Variants in SORCS3 observed in about 807,000 individuals in gnomAD.
SORCS3 encodes sortilin related VPS10 domain containing receptor 3, also known as VPS10 domain-containing receptor SorCS3.
Under a neutral mutation model 146.3 loss-of-function variants are expected in SORCS3, and 57 were observed. The observed-to-expected ratio is 0.39, with a 90% CI of 0.31 to 0.49. SORCS3 has a LOEUF of 0.49. Among genes scored for constraint, SORCS3 ranks in the 20% least tolerant of loss-of-function variants. The probability of loss-of-function intolerance (pLI) is 0.92; values close to 1 mark genes in which losing one functional copy is unlikely to be tolerated. For missense variants in SORCS3, 1,341 were observed against 1,575.5 expected (o/e 0.85, Z 2.52); for synonymous variants, 653 against 618.5 (o/e 1.06, Z -0.83).
chr10:105,001,831 T>C (rs1378083079), intron 4 of SORCS3, among the ~76,000 whole-genome samples: 1 of 152,162 alleles, frequency 6.6e-6, no homozygotes, highest in African/African-American at 2.4e-5. Flanking sequence ...TTCAATCCTT[T>C]GGAAAAGGAC....
chr10:104,969,338 T>TGTGC (rs1554863664), intron 3 of SORCS3, among the ~76,000 whole-genome samples: 25 of 143,442 alleles, frequency 1.7e-4, no homozygotes, highest in African/African-American at 6.3e-4. Flanking sequence ...TGTGTGTGTG[T>TGTGC]GTGCGCGCGC....
intron 1 of SORCS3, among the ~76,000 whole-genome samples, chr10:104,747,247 C>G (rs993515137): frequency 6.6e-6 from 1 of 152,232 alleles, no homozygotes; most frequent in African/African-American, 2.4e-5. Flanking sequence ...GATGAACCAG[C>G]TGCTCAAAGT....
intron 2 of SORCS3, among the ~76,000 whole-genome samples, chr10:104,908,390 A>G (rs10509779): frequency 0.13 from 19,850 of 152,256 alleles, 1,468 homozygotes; most frequent in Middle Eastern, 0.18. Context: ...CCTTGAGGAC[A>G]ATACAATCAG....
chr10:104,866,827 G>A (rs866851300), intron 2 of SORCS3, among the ~76,000 whole-genome samples: 11 of 151,942 alleles, frequency 7.2e-5, no homozygotes, highest in African/African-American at 2.4e-4. Context: ...ATCTCTTTTG[G>A]GGTATGTCAA....
chr10:104,700,908 C>T (rs1305014959), intron 1 of SORCS3, among the ~76,000 whole-genome samples: 2 of 152,178 alleles, frequency 1.3e-5, no homozygotes, highest in African/African-American at 4.8e-5. Context: ...AAGTGACTTA[C>T]CTCTTTGAAT....
chr10:104,895,150 G>A (rs1227131078), intron 2 of SORCS3, among the ~76,000 whole-genome samples: 2 of 152,178 alleles, frequency 1.3e-5, no homozygotes, highest in East Asian at 3.9e-4. Context: ...GGTGAGGCTG[G>A]AGCTGAGGCT....
intron 20 of SORCS3, among the ~76,000 whole-genome samples, chr10:105,228,891 T>C: frequency 6.6e-6 from 1 of 152,248 alleles, no homozygotes; most frequent in African/African-American, 2.4e-5. Flanking sequence ...TATCTAAATC[T>C]CTTGCTAGAC....
chr10:105,128,957 A>C (rs559178446), intron 7 of SORCS3, among the ~76,000 whole-genome samples: 1 of 152,188 alleles, frequency 6.6e-6, no homozygotes, highest in Non-Finnish European at 1.5e-5. Flanking sequence ...CCCAAACTGC[A>C]AGAGATGGGT....
chr10:105,201,840 A>G (rs1287053312), intron 16 of SORCS3, among the ~76,000 whole-genome samples: 1 of 152,114 alleles, frequency 6.6e-6, no homozygotes, highest in South Asian at 2.1e-4. Context: ...TTGATTCACT[A>G]TCAGGGTTAT....
intron 3 of SORCS3, among the ~76,000 whole-genome samples, chr10:104,920,730 G>C (rs2019078603): frequency 6.6e-6 from 1 of 152,056 alleles, no homozygotes; most frequent in Non-Finnish European, 1.5e-5. Context: ...CTGTGAGCAG[G>C]GTATAATCAT....
At chr10:104,658,025 T>G (rs1478640385) in intron 1 of SORCS3, among the ~76,000 whole-genome samples, 1 of 152,246 alleles carries the variant, frequency 6.6e-6, no homozygotes, top group Non-Finnish European at 1.5e-5. Context: ...TAATATCTAC[T>G]ATGCCTACAG....
intron 1 of SORCS3, among the ~76,000 whole-genome samples, chr10:104,662,998 C>A (rs2133249909): frequency 6.6e-6 from 1 of 152,308 alleles, no homozygotes; most frequent in South Asian, 2.1e-4. Context: ...TGAGTTTTTG[C>A]CTGGAGTCAG....
intron 18 of SORCS3, among the ~76,000 whole-genome samples, chr10:105,216,334 G>T (rs1159670960): frequency 1.3e-5 from 2 of 152,032 alleles, no homozygotes; most frequent in Non-Finnish European, 2.9e-5. Flanking sequence ...GCATAATTCT[G>T]GTAACATAGC....
intron 12 of SORCS3, among the ~76,000 whole-genome samples, chr10:105,166,373 G>A (rs1397249764): frequency 6.6e-6 from 1 of 152,066 alleles, no homozygotes; most frequent in Admixed American, 6.6e-5. Context: ...AATTCTCCAA[G>A]CATACTTTCC....
chr10:105,247,482 G>A (rs945463234), intron 22 of SORCS3, 151 bp downstream of exon 22: 10 of 510,630 alleles, frequency 2.0e-5, no homozygotes, highest in African/African-American at 7.9e-5. Flanking sequence ...GGGTGCAGTC[G>A]CTCACACCTG....
intron 1 of SORCS3, among the ~76,000 whole-genome samples, chr10:104,721,348 G>T (rs956593661): frequency 7.2e-5 from 11 of 152,090 alleles, no homozygotes; most frequent in African/African-American, 1.4e-4. Context: ...TTCTGTTTTG[G>T]TACCAGTACC....
Position 105,209,331 on chromosome 10 carries a change from C to T in SORCS3, c.2262-1806C>T, listed in dbSNP as rs184375838. Among the ~76,000 whole-genome samples the T allele has an allele frequency of 1.6e-4, 25 of 151,972 alleles. No homozygotes were observed. In the Middle Eastern group the frequency reaches 0.02, roughly 124 times the overall value. On this transcript the variant is annotated intron_variant, in intron 16 of 26. Coordinates refer to ENST00000369701, the MANE Select transcript of SORCS3 (RefSeq NM_014978.3). Reference sequence around the variant, plus strand: ...AATTTTTGTGTATTTTTAGTAGAGACGGGGTTTCACCATGTTGGCCAGGCT... The same window carrying T: ...AATTTTTGTGTATTTTTAGTAGAGATGGGGTTTCACCATGTTGGCCAGGCT...
intron 3 of SORCS3, among the ~76,000 whole-genome samples, chr10:104,951,500 A>AT (rs1464706541): frequency 5.3e-5 from 8 of 151,396 alleles, no homozygotes; most frequent in Admixed American, 1.3e-4. Context: ...GTGAATTTTT[A>AT]TTTTTTTTGT....
chr10:105,079,401 TG>T (rs1242538024), intron 5 of SORCS3, among the ~76,000 whole-genome samples: 1 of 151,936 alleles, frequency 6.6e-6, no homozygotes, highest in Non-Finnish European at 1.5e-5. Flanking sequence ...ATATGTAGAG[TG>T]GACTAGAATG....
Sources: gnomAD v4.1 joint callset for allele counts (sites outside exome capture counted in the v4.1 genomes callset) on GRCh38, gnomAD v4.1.1 for gene constraint, MANE v1.5 for transcripts, NCBI Gene and HGNC (gene_info 2026-07-23, HGNC 2026-07-21) for gene names.